The following DLGAP1 variants were observed in gnomAD, a reference collection of about 807,000 sequenced individuals.
DLGAP1 encodes DLG associated protein 1.
A neutral mutation model predicts 90.8 loss-of-function variants in DLGAP1; 11 were observed. That is an observed-to-expected ratio of 0.12 (90% CI 0.08 to 0.20). DLGAP1 has a LOEUF of 0.20. DLGAP1 is among the 10% of genes least tolerant of loss of function. DLGAP1 has a pLI of 1.00. For synonymous variants in DLGAP1, 558 were observed against 540.7 expected, an observed-to-expected ratio of 1.03 and a Z score of -0.44; for missense variants, 1,050 against 1,333.8, an observed-to-expected ratio of 0.79 and a Z score of 3.31.
chr18:4,439,410 T>C (rs771227576), intron 1 of DLGAP1, among the ~76,000 whole-genome samples: 3 of 152,248 alleles, frequency 2.0e-5, no homozygotes, highest in Non-Finnish European at 2.9e-5. Flanking sequence ...TTATTTCATA[T>C]TCATTCTTTA....
At chr18:3,935,751 T>C (rs1257746280) in intron 3 of DLGAP1, among the ~76,000 whole-genome samples, 1 of 152,202 alleles carries the variant, frequency 6.6e-6, no homozygotes, top group African/African-American at 2.4e-5. Context: ...ATGTTGAAGA[T>C]GGGGACTGTC....
intron 9 of DLGAP1, among the ~76,000 whole-genome samples, chr18:3,556,142 T>G (rs2053737243): frequency 6.6e-6 from 1 of 152,178 alleles, no homozygotes; most frequent in East Asian, 1.9e-4. Flanking sequence ...ATAAACTTTG[T>G]TTTTTTAGAA....
At chr18:4,224,353 G>C (rs1324458003) in intron 1 of DLGAP1, among the ~76,000 whole-genome samples, 3 of 152,132 alleles carry the variant, frequency 2.0e-5, no homozygotes, top group African/African-American at 4.8e-5. Flanking sequence ...AAACAGACTA[G>C]GTATCAGTTT....
intron 2 of DLGAP1, among the ~76,000 whole-genome samples, chr18:4,077,324 T>A (rs1277474081): frequency 6.6e-6 from 1 of 152,172 alleles, no homozygotes; most frequent in Non-Finnish European, 1.5e-5. Flanking sequence ...CTTGAAGTGA[T>A]ACTAGGAGAA....
chr18:3,514,423 C>T (rs1412475110), intron 10 of DLGAP1, among the ~76,000 whole-genome samples: 1 of 152,210 alleles, frequency 6.6e-6, no homozygotes, highest in African/African-American at 2.4e-5. Flanking sequence ...GACACCCCTG[C>T]AATGGATTAC....
intron 3 of DLGAP1, among the ~76,000 whole-genome samples, chr18:3,906,639 A>G (rs1368522628): frequency 6.6e-6 from 1 of 152,234 alleles, no homozygotes; most frequent in East Asian, 1.9e-4. Context: ...TCTAAAAATA[A>G]AATGGTAAGC....
At chr18:4,139,556 G>A (rs1263451663) in intron 2 of DLGAP1, among the ~76,000 whole-genome samples, 6 of 151,930 alleles carry the variant, frequency 3.9e-5, no homozygotes, top group Non-Finnish European at 8.8e-5. Context: ...CCTTGATAAT[G>A]ATCCATGTGC....
chr18:4,062,581 C>T (rs2075314328), intron 2 of DLGAP1, among the ~76,000 whole-genome samples: 1 of 152,102 alleles, frequency 6.6e-6, no homozygotes, highest in Admixed American at 6.6e-5. Context: ...GAATGAAGTT[C>T]CATCAAAGCC....
At chr18:4,076,447 A>G (rs955965935) in intron 2 of DLGAP1, among the ~76,000 whole-genome samples, 2 of 152,176 alleles carry the variant, frequency 1.3e-5, no homozygotes, top group Admixed American at 1.3e-4. Context: ...CTAATGCAAA[A>G]GAATTACATT....
chr18:4,397,530 T>C (rs2144496748), intron 1 of DLGAP1, among the ~76,000 whole-genome samples: 1 of 152,332 alleles, frequency 6.6e-6, no homozygotes. Flanking sequence ...TTGTATATTG[T>C]AACAGAAATG....
chr18:3,991,506 CG>C (rs1477434361), intron 3 of DLGAP1, among the ~76,000 whole-genome samples: 3 of 152,124 alleles, frequency 2.0e-5, no homozygotes, highest in African/African-American at 7.2e-5. Context: ...GAAATAACAC[CG>C]CAGAGGTGGT....
chr18:3,991,858 T>A (rs945928852), intron 3 of DLGAP1, among the ~76,000 whole-genome samples: 1 of 152,232 alleles, frequency 6.6e-6, no homozygotes, highest in East Asian at 1.9e-4. Flanking sequence ...TGATTTATTT[T>A]TTTGTGTATA....
chr18:3,939,459 A>AC (rs1391480473), intron 3 of DLGAP1, among the ~76,000 whole-genome samples: 38 of 150,966 alleles, frequency 2.5e-4, no homozygotes, highest in East Asian at 2.1e-3. Context: ...AAACACCAAA[A>AC]AAACAAACAA....
intron 2 of DLGAP1, among the ~76,000 whole-genome samples, chr18:4,149,651 A>G (rs2076640951): frequency 6.6e-6 from 1 of 152,186 alleles, no homozygotes; most frequent in Non-Finnish European, 1.5e-5. Context: ...GCCTCTTGTG[A>G]GATCAGTGGC....
intron 2 of DLGAP1, among the ~76,000 whole-genome samples, chr18:4,079,170 T>G (rs2075567374): frequency 6.6e-6 from 1 of 152,082 alleles, no homozygotes; most frequent in Non-Finnish European, 1.5e-5. Context: ...AGGCATATGC[T>G]GTCCACTCAG....
At chr18:3,985,936 T>A (rs757116865) in intron 3 of DLGAP1, among the ~76,000 whole-genome samples, 7 of 152,208 alleles carry the variant, frequency 4.6e-5, no homozygotes, top group Non-Finnish European at 8.8e-5. Flanking sequence ...GAGATACAGA[T>A]CTGCCTTTGA....
At chr18:3,742,985 C>CCTTT (rs1203106310) in intron 5 of DLGAP1, among the ~76,000 whole-genome samples, 3 of 145,638 alleles carry the variant, frequency 2.1e-5, no homozygotes, top group African/African-American at 7.5e-5. Flanking sequence ...TTCCTTCCTT[C>CCTTT]CTTCCTTCCA....
chr18:3,797,491 T>C (rs1319524503), intron 5 of DLGAP1, among the ~76,000 whole-genome samples: 1 of 152,124 alleles, frequency 6.6e-6, no homozygotes, highest in Non-Finnish European at 1.5e-5. Flanking sequence ...AAATAAACTT[T>C]TGTTAAGTCA....
At chr18:3,600,425 G>A (rs1412066557) in intron 7 of DLGAP1, among the ~76,000 whole-genome samples, 2 of 151,704 alleles carry the variant, frequency 1.3e-5, no homozygotes, top group Non-Finnish European at 2.9e-5. Context: ...TAGTAGAGAC[G>A]GGGTTTCACC....
Sources: gnomAD v4.1 joint callset for allele counts (sites outside exome capture counted in the v4.1 genomes callset) on GRCh38, gnomAD v4.1.1 for gene constraint, MANE v1.5 for transcripts, NCBI Gene and HGNC (gene_info 2026-07-23, HGNC 2026-07-21) for gene names.